ACER1: variants seen among roughly 807,000 people sequenced by gnomAD.
ACER1 encodes the protein CTB-180A7.3.
A neutral mutation model predicts 24.9 loss-of-function variants in ACER1; 28 were observed. The ratio of observed to expected loss-of-function variants is 1.13; its 90% CI spans 0.83 to 1.54. The LOEUF (loss-of-function observed/expected upper bound fraction) is 1.54. Among genes scored for constraint, ACER1 ranks in the 40% most tolerant of loss-of-function variants. ACER1 has a pLI of 0.00. For synonymous variants in ACER1, 132 were observed against 131.4 expected, an observed-to-expected ratio of 1.00 and a Z score of -0.03; for missense variants, 352 against 349.3, an observed-to-expected ratio of 1.01 and a Z score of -0.06.
At chr19:6,309,502 A>G (rs2091566954) in intron 4 of ACER1, among the ~76,000 whole-genome samples, 195 bp downstream of exon 4, 1 of 152,110 alleles carries the variant, frequency 6.6e-6, no homozygotes, top group Non-Finnish European at 1.5e-5. Context: ...AGCCTGGGCA[A>G]CAGAGCGAGG....
chr19:6,317,916 G>A lies in ACER1; in HGVS notation c.94-5417C>T, dbSNP rs897754659. Among the ~76,000 whole-genome samples, 4 of 151,910 alleles carry A rather than the reference G, an allele frequency of 2.6e-5. 1 individual carries two copies. Among genetic ancestry groups the A allele is most frequent in the Non-Finnish European group, 5.9e-5 (4 of 68,002 alleles). On this transcript the variant is annotated intron_variant, in intron 1 of 5. Transcript: ENST00000301452. Reference sequence around the variant, plus strand: ...ATTACAGGCACTCACCACCATGTATGTCTAATTTTTGTATTTTTAGTAGAG... The same window carrying A: ...ATTACAGGCACTCACCACCATGTATATCTAATTTTTGTATTTTTAGTAGAG...
intron 1 of ACER1, among the ~76,000 whole-genome samples, chr19:6,314,738 C>G (rs1183179477): frequency 6.6e-6 from 1 of 151,980 alleles, no homozygotes; most frequent in Non-Finnish European, 1.5e-5. Context: ...GAGTATCTAC[C>G]CAAAGGAAAC....
the ACER1 span, among the ~76,000 whole-genome samples, chr19:6,340,148 G>A: frequency 6.6e-6 from 1 of 151,526 alleles, no homozygotes; most frequent in East Asian, 2.0e-4. Flanking sequence ...AGGCGTGGTG[G>A]TGCGTGCCTG....
At chr19:6,341,978 G>A in the ACER1 span, among the ~76,000 whole-genome samples, 2 of 152,154 alleles carry the variant, frequency 1.3e-5, no homozygotes, top group African/African-American at 2.4e-5. Context: ...TTTCCATGTA[G>A]TGGAGCAATA....
At chr19:6,341,147 C>T in the ACER1 span, among the ~76,000 whole-genome samples, 6 of 150,754 alleles carry the variant, frequency 4.0e-5, no homozygotes, top group Non-Finnish European at 8.9e-5. Context: ...GTTGCCCAGG[C>T]TGGAGTGCAC....
the ACER1 span, among the ~76,000 whole-genome samples, chr19:6,349,962 C>A: frequency 6.6e-6 from 1 of 152,152 alleles, no homozygotes; most frequent in South Asian, 2.1e-4. Context: ...AAGACCTCGT[C>A]TCTACCAAAA....
At chr19:6,347,227 T>C in the ACER1 span, among the ~76,000 whole-genome samples, 2 of 145,554 alleles carry the variant, frequency 1.4e-5, no homozygotes, top group African/African-American at 5.1e-5. Context: ...TCTTTTTCTT[T>C]TTTTTTTTTT....
At chr19:6,317,881 A>G (rs1568310311) in intron 1 of ACER1, among the ~76,000 whole-genome samples, 1 of 151,888 alleles carries the variant, frequency 6.6e-6, no homozygotes. Flanking sequence ...CAGCCTCCCG[A>G]GTAGCAGGGA....
chr19:6,313,605 T>C (rs993653713), intron 1 of ACER1, among the ~76,000 whole-genome samples: 3 of 152,290 alleles, frequency 2.0e-5, no homozygotes, highest in Middle Eastern at 3.4e-3. Flanking sequence ...AAAAACCACG[T>C]AAGGAAAGCT....
the ACER1 span, chr19:6,360,103 G>A: frequency 6.6e-6 from 1 of 152,188 alleles, no homozygotes; most frequent in Non-Finnish European, 1.5e-5. Context: ...TTCCTCTGCT[G>A]GAAATGCCTT....
At chr19:6,344,130 C>T in the ACER1 span, among the ~76,000 whole-genome samples, 3,106 of 152,164 alleles carry the variant, frequency 0.02, 38 homozygotes, top group Non-Finnish European at 0.031. Context: ...AACCCTGTCT[C>T]TACTAAAAAT....
chr19:6,358,531 G>A, the ACER1 span, among the ~76,000 whole-genome samples: 1 of 151,968 alleles, frequency 6.6e-6, no homozygotes, highest in Non-Finnish European at 1.5e-5. Context: ...GGAGGCCGAG[G>A]CAGGAGAATG....
Position 6,309,585 on chromosome 19 carries a change from A to G in ACER1, c.488+112T>C, listed in dbSNP as rs111421387. On this transcript the variant is annotated intron_variant, in intron 4 of 5. Coordinates refer to ENST00000301452, the MANE Select transcript of ACER1 (RefSeq NM_133492.3). ...GTCAGGTTCAAATCCTGGCCCTGCT[A>G]CTTGTTAGTGGGTGATCTTGGAGAA... 4,310 of 1,377,782 alleles carry G rather than the reference A, an allele frequency of 3.1e-3. 13 individuals carry two copies. Among genetic ancestry groups the G allele is most frequent in the Non-Finnish European group, 3.9e-3 (3,887 of 992,988 alleles). 85.3% of individuals were successfully genotyped at this position (1,377,782 alleles called of 1,614,324 possible).
At chr19:6,328,833 A>T (rs1213717066) in intron 1 of ACER1, among the ~76,000 whole-genome samples, 4 of 145,388 alleles carry the variant, frequency 2.8e-5, no homozygotes, top group African/African-American at 1.0e-4. Flanking sequence ...TGCCTGGCTA[A>T]TTTTTTTTTT....
At chr19:6,338,838 G>T in the ACER1 span, among the ~76,000 whole-genome samples, 1 of 151,606 alleles carries the variant, frequency 6.6e-6, no homozygotes. Context: ...GCCTCCCAAA[G>T]TGCTAGAATT....
At chr19:6,308,895 T>G (rs1048740171) in intron 4 of ACER1, among the ~76,000 whole-genome samples, 7 of 152,138 alleles carry the variant, frequency 4.6e-5, no homozygotes, top group African/African-American at 1.7e-4. Flanking sequence ...TTTCTGGGTT[T>G]CATCATAAAA....
the ACER1 span, among the ~76,000 whole-genome samples, chr19:6,344,850 ATTTT>A: frequency 2.6e-5 from 4 of 151,378 alleles, no homozygotes; most frequent in East Asian, 7.8e-4. Context: ...ATTTTATTTT[ATTTT>A]ATTTTATTTA....
chr19:6,328,543 GC>G (rs1352652008), intron 1 of ACER1, among the ~76,000 whole-genome samples: 1 of 146,698 alleles, frequency 6.8e-6, no homozygotes, highest in Non-Finnish European at 1.5e-5. Context: ...TTACTAGCTA[GC>G]CCTGTACAGA....
At chr19:6,311,631 G>A (rs1010879253) in intron 3 of ACER1, among the ~76,000 whole-genome samples, 6 of 148,200 alleles carry the variant, frequency 4.0e-5, no homozygotes, top group Admixed American at 2.0e-4. Context: ...GGAGGAGGAG[G>A]AGAAGAAGAA....
Sources: gnomAD v4.1 joint callset for allele counts (sites outside exome capture counted in the v4.1 genomes callset) on GRCh38, gnomAD v4.1.1 for gene constraint, MANE v1.5 for transcripts, NCBI Gene and HGNC (gene_info 2026-07-23, HGNC 2026-07-21) for gene names.